Variants in ZFP62 observed in about 807,000 individuals in gnomAD.
ZFP62 encodes the protein ZFP62 zinc finger protein, also known as zinc finger protein 62 homolog.
Under a neutral mutation model 56.4 loss-of-function variants are expected in ZFP62, and 44 were observed. The observed-to-expected ratio is 0.78, with a 90% CI of 0.61 to 1.00. The LOEUF is 1.00. ZFP62 is among the 50% of genes least tolerant of loss of function. ZFP62 has a pLI of 0.00. For missense variants in ZFP62, 1,030 were observed against 1,085.7 expected (o/e 0.95, Z 0.72); for synonymous variants, 421 against 388.9 (o/e 1.08, Z -0.97).
At chr5:180,843,301 G>C (rs1054077289), downstream of ZFP62, among the ~76,000 whole-genome samples, 1 of 151,824 alleles carries the variant, frequency 6.6e-6, no homozygotes, top group Non-Finnish European at 1.5e-5. Flanking sequence ...GCCACTAAAA[G>C]AAGAGAAAAA....
chr5:180,857,310 G>A (rs1774038845), intron 1 of ZFP62, among the ~76,000 whole-genome samples: 1 of 121,346 alleles, frequency 8.2e-6, no homozygotes, highest in Non-Finnish European at 1.8e-5. Flanking sequence ...GGGCCACACA[G>A]AACTGCTGAG....
At chr5:180,837,450 G>A in the ZFP62 span, among the ~76,000 whole-genome samples, 2 of 152,324 alleles carry the variant, frequency 1.3e-5, no homozygotes, top group East Asian at 3.9e-4. Context: ...CTCACACTCG[G>A]TAGGAAGAAG....
Position 180,848,953 on chromosome 5 carries a change from C to T in ZFP62, c.2542G>A (p.Ala848Thr), listed in dbSNP as rs748384863. Reference protein sequence around the residue: ...KPYRCNECGKAFNIRSNLTKH... With the variant: ...KPYRCNECGKTFNIRSNLTKH... ...GTGAGATTTGATCTGATATTAAAAG[C>T]CTTACCACACTCATTACATCGGTAT... The change falls in exon 2 of 2, where the codon GCT becomes ACT. Residue 848 changes from alanine to threonine, a missense_variant. Ala to Thr is a moderately conservative substitution (Grantham distance 58). Transcript: ENST00000502412. 2 of 1,551,772 alleles carry T rather than the reference C, an allele frequency of 1.3e-6. No homozygotes were observed. The highest frequency in any genetic ancestry group is 4.9e-5 in the East Asian group (2 of 40,912).
Position 180,849,879 on chromosome 5 carries a change from C to T in ZFP62, c.1616G>A (p.Gly539Asp). 1.3e-6 allele frequency: 2 copies of T among 1,551,732 alleles called. No individual in the cohort carries two copies. The highest frequency in any genetic ancestry group is 1.4e-5 in the African/African-American group (1 of 73,166). The change falls in exon 2 of 2, where the codon GGT becomes GAT. Residue 539 changes from glycine (G) to aspartate (D), a missense_variant. Physicochemically the swap from Gly to Asp is moderately conservative, Grantham distance 94 (BLOSUM62 -1). Coordinates refer to ENST00000502412, the MANE Select transcript of ZFP62 (RefSeq NM_001172638.2). ...GCCAGAATTATTTCTGAAAGCTTTACCACACTCATCACACCCAAAGGGTTT... is the reference window on the plus strand; with the variant it reads ...GCCAGAATTATTTCTGAAAGCTTTATCACACTCATCACACCCAAAGGGTTT... ...REKPFGCDEC[G>D]KAFRNNSGLK...
At position 180,849,744 on chromosome 5, in the gene ZFP62, G is replaced by C. The variant is rs1470249377; in HGVS notation, c.1751C>G (p.Pro584Arg). 6.4e-7 allele frequency: 1 copy of C among 1,551,626 alleles called. No individual in the cohort carries two copies. Among genetic ancestry groups the C allele is most frequent in the South Asian group, 1.2e-5 (1 of 84,050 alleles). The change falls in exon 2 of 2, where the codon CCT (proline) becomes CGT (arginine). Residue 584 changes from proline to arginine, a missense_variant. Pro to Arg is a moderately radical substitution (Grantham distance 103). Transcript: ENST00000502412. ...GTCACACTTAAAGGGCTTCTCCCCAGGGTGTACACTTTTATGATTTATAAG... is the reference window on the plus strand; with the variant it reads ...GTCACACTTAAAGGGCTTCTCCCCACGGTGTACACTTTTATGATTTATAAG... Reference protein sequence around the residue: ...SSLINHKSVHPGEKPFKCDEC... With the variant: ...SSLINHKSVHRGEKPFKCDEC...
chr5:180,856,123 CA>C lies in ZFP62; in HGVS notation c.2-4631del, dbSNP rs1286601780. Among the ~76,000 whole-genome samples, 5 of 152,224 alleles carry C rather than the reference CA, an allele frequency of 3.3e-5. No homozygotes were observed. The East Asian group carries it at 9.6e-4, about 29-fold the overall frequency. ...GGCCTGGTCTGCCTAAAATCACAGA[CA>C]CTTTGCCACTTACCTCTCTAACCTA... On this transcript the variant is annotated intron_variant, in intron 1 of 1. Coordinates refer to ENST00000502412, the MANE Select transcript of ZFP62 (RefSeq NM_001172638.2).
At chr5:180,833,478 CAAAAAAAAAA>C in the ZFP62 span, among the ~76,000 whole-genome samples, 1 of 76,726 alleles carries the variant, frequency 1.3e-5, no homozygotes, top group African/African-American at 4.0e-5. Flanking sequence ...AACTCTGTCT[CAAAAAAAAAA>C]AAAAAAAAAG....
chr5:180,855,026 C>G (rs1325665426), intron 1 of ZFP62, among the ~76,000 whole-genome samples: 2 of 152,144 alleles, frequency 1.3e-5, no homozygotes, highest in Non-Finnish European at 2.9e-5. Context: ...AATTTGAAAA[C>G]TTACTGTAGT....
chr5:180,848,768 G>T lies in ZFP62; in HGVS notation c.*24C>A. On this transcript the variant is annotated 3_prime_UTR_variant, in exon 2 of 2. Coordinates refer to ENST00000502412, the MANE Select transcript of ZFP62 (RefSeq NM_001172638.2). Reference sequence around the variant, plus strand: ...AAGGTATTTCTTCCATTTGAGTTCGGAGAGACTTGGTAAGCTCTGCCTGCT... The same window carrying T: ...AAGGTATTTCTTCCATTTGAGTTCGTAGAGACTTGGTAAGCTCTGCCTGCT... 6.8e-7 allele frequency: 1 copy of T among 1,480,830 alleles called. No homozygotes were observed. Among genetic ancestry groups the T allele is most frequent in the Non-Finnish European group, 9.0e-7 (1 of 1,113,344 alleles). 91.7% of individuals were successfully genotyped at this position (1,480,830 alleles called of 1,614,324 possible). A position where few individuals can be genotyped will look rare whatever the true frequency, so the allele number is the denominator to read the frequency against.
chr5:180,847,714 A>C lies in ZFP62; in HGVS notation c.*1078T>G. 1.0e-6 allele frequency: 1 copy of C among 985,496 alleles called. No individual in the cohort carries two copies. The highest frequency in any genetic ancestry group is 4.7e-5 in the South Asian group (1 of 21,294). 61.0% of individuals were successfully genotyped at this position (985,496 alleles called of 1,614,324 possible). A position where few individuals can be genotyped will look rare whatever the true frequency, so the allele number is the denominator to read the frequency against. On this transcript the variant is annotated 3_prime_UTR_variant, in exon 2 of 2. Transcript: ENST00000502412. ...TGAGCCCTGAACAAAGTATTCGTTA[A>C]CATTTTACAACAGACAACATATACA... is the stretch of plus-strand genomic sequence containing the variant.
intron 1 of ZFP62, among the ~76,000 whole-genome samples, 190 bp from the exon 2 acceptor site, chr5:180,851,683 C>T (rs1489192025): frequency 6.6e-6 from 1 of 152,114 alleles, no homozygotes; most frequent in Non-Finnish European, 1.5e-5. Context: ...AATTTCTGCC[C>T]CTGTGGAACT....
At chr5:180,853,931 T>C (rs1773842687) in intron 1 of ZFP62, among the ~76,000 whole-genome samples, 1 of 152,238 alleles carries the variant, frequency 6.6e-6, no homozygotes, top group Non-Finnish European at 1.5e-5. Flanking sequence ...GGGATGAATT[T>C]GCAGTACTGG....
chr5:180,851,640 T>A, intron 1 of ZFP62, 147 bp from the exon 2 acceptor site: 1 of 970,660 alleles, frequency 1.0e-6, no homozygotes, highest in Non-Finnish European at 1.5e-6. Flanking sequence ...TACCGGTTTT[T>A]AAGTACTAGG....
At chr5:180,840,153 C>T in the ZFP62 span, among the ~76,000 whole-genome samples, 1 of 152,208 alleles carries the variant, frequency 6.6e-6, no homozygotes, top group African/African-American at 2.4e-5. Context: ...TGAAGATGTT[C>T]TAGCCATGGT....
chr5:180,858,910 TCAGA>T (rs1774152881), intron 1 of ZFP62, among the ~76,000 whole-genome samples: 1 of 152,108 alleles, frequency 6.6e-6, no homozygotes, highest in Non-Finnish European at 1.5e-5. Context: ...GCCAAAAGCG[TCAGA>T]CATAGAACGC....
chr5:180,850,691 G>C lies in ZFP62; in HGVS notation c.804C>G (p.Leu268=). The change falls in exon 2 of 2, where the codon CTC becomes CTG. Residue 268 remains leucine, a synonymous_variant. Transcript: ENST00000502412. ...CGKAFRNSSG[L]RVHKRIHTGE... ...CCGTGTGGATCCTTTTGTGGACTCTGAGCCCAGAGCTGTTCCTGAAGGCCT... is the reference window on the plus strand; with the variant it reads ...CCGTGTGGATCCTTTTGTGGACTCTCAGCCCAGAGCTGTTCCTGAAGGCCT... The C allele has an allele frequency of 6.3e-7, 1 of 1,598,874 alleles. No individual in the cohort carries two copies. The highest frequency in any genetic ancestry group is 8.5e-7 in the Non-Finnish European group (1 of 1,172,700).
At chr5:180,859,176 G>A (rs576174258) in intron 1 of ZFP62, among the ~76,000 whole-genome samples, 4 of 152,268 alleles carry the variant, frequency 2.6e-5, no homozygotes, top group African/African-American at 7.2e-5. Flanking sequence ...AGCCCGGAAC[G>A]ACTTTCAATT....
In ZFP62 at chr5:180,848,519, C is replaced by T; in HGVS notation, c.*273G>A. 8.6e-7 allele frequency: 1 copy of T among 1,159,560 alleles called. No individual in the cohort carries two copies. Among genetic ancestry groups the T allele is most frequent in the East Asian group, 4.0e-5 (1 of 24,746 alleles). The allele number at this position is 1,159,560 out of a possible 1,614,324, so 71.8% of individuals were successfully genotyped here. ...TGTGTTTTATGTCCAGAAATGTCTA[C>T]TGATTTTGAAGATTTGCTTCACATT... is the stretch of plus-strand genomic sequence containing the variant. On this transcript the variant is annotated 3_prime_UTR_variant, in exon 2 of 2. Transcript: ENST00000502412.
chr5:180,857,151 C>G (rs1774030600), intron 1 of ZFP62, among the ~76,000 whole-genome samples: 1 of 151,944 alleles, frequency 6.6e-6, no homozygotes, highest in African/African-American at 2.4e-5. Context: ...AGGGCTGCAA[C>G]CATAAGGAGT....
Sources: allele counts gnomAD v4.1 joint callset (sites outside exome capture counted in the v4.1 genomes callset), GRCh38; gene constraint gnomAD v4.1.1; transcripts MANE v1.5; gene names NCBI Gene and HGNC (gene_info 2026-07-23, HGNC 2026-07-21).